Variants in IL1RAPL1 observed in about 807,000 individuals in gnomAD.
IL1RAPL1 encodes interleukin-1 receptor accessory protein-like 1.
A neutral mutation model predicts 48.4 loss-of-function variants in IL1RAPL1; 3 were observed. The observed-to-expected ratio is 0.06, with a 90% CI of 0.03 to 0.16. The LOEUF is 0.16. Ranked by LOEUF, IL1RAPL1 falls within the 10% of genes least tolerant of loss-of-function variation. IL1RAPL1 has a pLI of 1.00. For missense variants in IL1RAPL1, 349 were observed against 530.6 expected (o/e 0.66, Z 3.36); for synonymous variants, 185 against 187.7 (o/e 0.99, Z 0.12).
At chrX:28,802,069 G>A (rs1449145951) in intron 2 of IL1RAPL1, among the ~76,000 whole-genome samples, 1 of 111,749 alleles carries the variant, frequency 8.9e-6, no homozygotes, top group Non-Finnish European at 1.9e-5. Context: ...ATTTAACTTT[G>A]TGCTATACAG....
intron 2 of IL1RAPL1, among the ~76,000 whole-genome samples, chrX:28,866,341 A>G (rs1922074572): frequency 2.7e-5 from 3 of 111,693 alleles, no homozygotes; most frequent in Non-Finnish European, 3.8e-5. Flanking sequence ...ATGCAAAGGC[A>G]TAAGAATGAT....
chrX:29,683,382 C>T (rs1926520500), intron 6 of IL1RAPL1, among the ~76,000 whole-genome samples: 1 of 112,309 alleles, frequency 8.9e-6, no homozygotes, highest in Admixed American at 9.4e-5. Context: ...AATGTCAGCT[C>T]TCGTTCTAAT....
At chrX:29,573,470 A>G (rs181160381) in intron 5 of IL1RAPL1, among the ~76,000 whole-genome samples, 1 of 112,499 alleles carries the variant, frequency 8.9e-6, no homozygotes, top group African/African-American at 3.2e-5. Context: ...ATACTTGTCT[A>G]TCTCTTGAAA....
intron 2 of IL1RAPL1, among the ~76,000 whole-genome samples, chrX:28,810,949 T>G (rs926958538): frequency 9.1e-6 from 1 of 110,416 alleles, no homozygotes; most frequent in African/African-American, 3.3e-5. Flanking sequence ...TTTCTTTTTT[T>G]TCTATCAGCT....
At chrX:29,567,256 G>A (rs1181718809) in intron 5 of IL1RAPL1, among the ~76,000 whole-genome samples, 1 of 110,067 alleles carries the variant, frequency 9.1e-6, no homozygotes, top group Admixed American at 9.7e-5. Flanking sequence ...CAAGCTTCTC[G>A]TTAGCAAGGA....
intron 8 of IL1RAPL1, among the ~76,000 whole-genome samples, chrX:29,940,828 C>T (rs1464294845): frequency 1.8e-5 from 2 of 111,676 alleles, no homozygotes; most frequent in Non-Finnish European, 3.8e-5. Context: ...TTGGATAGAA[C>T]GTAGTAACAT....
chrX:28,644,112 C>A (rs1339916447), intron 1 of IL1RAPL1, among the ~76,000 whole-genome samples: 1 of 108,244 alleles, frequency 9.2e-6, no homozygotes, highest in African/African-American at 3.4e-5. Context: ...TTTTTTTCTC[C>A]TAAGTGTTAT....
At chrX:29,117,232 A>T (rs188009569) in intron 2 of IL1RAPL1, among the ~76,000 whole-genome samples, 199 of 111,904 alleles carry the variant, frequency 1.8e-3, no homozygotes, top group African/African-American at 6.1e-3. Flanking sequence ...GTGACAAGGG[A>T]TTGTAGCAAG....
rs748969216 is a variant in IL1RAPL1, at chrX:29,865,185, A to G, written c.779-52279A>G. On this transcript the variant is annotated intron_variant, in intron 6 of 10. Transcript: ENST00000378993. ...TAGTAAACTGGTCTGTGACATCTCT[A>G]TTGCACTCTGTGAAAATTCCATGAA... is the stretch of plus-strand genomic sequence containing the variant. 4.1e-3 allele frequency among the ~76,000 whole-genome samples: 462 copies of G among 112,226 alleles called. 2 individuals are homozygous for G. Among genetic ancestry groups the G allele is most frequent in the Non-Finnish European group, 7.1e-3 (380 of 53,243 alleles).
intron 1 of IL1RAPL1, among the ~76,000 whole-genome samples, chrX:28,664,130 G>C (rs1198629723): frequency 2.7e-5 from 3 of 110,878 alleles, no homozygotes; most frequent in Non-Finnish European, 5.7e-5. Context: ...TTTTTTCTAC[G>C]CAAACAAAAA....
intron 1 of IL1RAPL1, among the ~76,000 whole-genome samples, chrX:28,626,564 T>C (rs1017170585): frequency 4.4e-5 from 5 of 112,436 alleles, no homozygotes; most frequent in Non-Finnish European, 9.4e-5. Context: ...TCTTAGGTTT[T>C]TCACAAAGGG....
chrX:29,413,931 A>G (rs1934181320), intron 5 of IL1RAPL1, among the ~76,000 whole-genome samples: 1 of 110,866 alleles, frequency 9.0e-6, no homozygotes, highest in Non-Finnish European at 1.9e-5. Context: ...ATGTGTATAT[A>G]TATGTGTGTG....
intron 1 of IL1RAPL1, chrX:28,659,365 C>A: frequency 3.6e-6 from 2 of 551,329 alleles, no homozygotes; most frequent in South Asian, 2.3e-5. Flanking sequence ...GTTTCTCCAC[C>A]CCTCCAGTAG....
At chrX:29,490,389 CAT>C (rs1427612469) in intron 5 of IL1RAPL1, among the ~76,000 whole-genome samples, 1 of 109,866 alleles carries the variant, frequency 9.1e-6, no homozygotes, top group Non-Finnish European at 1.9e-5. Flanking sequence ...AAAAATTAGT[CAT>C]GTGTGGTGAC....
intron 2 of IL1RAPL1, among the ~76,000 whole-genome samples, chrX:28,820,988 G>A (rs765237471): frequency 8.9e-6 from 1 of 111,733 alleles, no homozygotes; most frequent in Non-Finnish European, 1.9e-5. Flanking sequence ...GGGCCGTAAT[G>A]ATGCTGAGTT....
At chrX:28,916,174 C>G (rs565009976) in intron 2 of IL1RAPL1, among the ~76,000 whole-genome samples, 1 of 110,367 alleles carries the variant, frequency 9.1e-6, no homozygotes, top group South Asian at 4.0e-4. Context: ...CATATAAAAC[C>G]TAGAATAACC....
Position 29,575,860 on chromosome X carries a change from G to A in IL1RAPL1, c.704-92570G>A, listed in dbSNP as rs557906600. 1.1e-4 allele frequency among the ~76,000 whole-genome samples: 12 copies of A among 112,034 alleles called. No individual in the cohort carries two copies. The Middle Eastern group carries it at 0.023, about 214-fold the overall frequency. On this transcript the variant is annotated intron_variant, in intron 5 of 10. Coordinates refer to ENST00000378993, the MANE Select transcript of IL1RAPL1 (RefSeq NM_014271.4). ...CCTAAACTGTGTCTCTGAGGGTATA[G>A]CTTCCAGAGGGCTGTGTGAGCTGTC...
chrX:29,549,591 T>C (rs765837899), intron 5 of IL1RAPL1, among the ~76,000 whole-genome samples: 42 of 111,823 alleles, frequency 3.8e-4, no homozygotes, highest in Non-Finnish European at 6.8e-4. Flanking sequence ...TTGGAACATA[T>C]ATCCTGTGAA....
chrX:29,226,962 T>C (rs1931094517), intron 2 of IL1RAPL1, among the ~76,000 whole-genome samples: 1 of 105,144 alleles, frequency 9.5e-6, no homozygotes. Context: ...TATTATAAAC[T>C]AATATTCCTA....
Sources: allele counts gnomAD v4.1 joint callset (sites outside exome capture counted in the v4.1 genomes callset), GRCh38; gene constraint gnomAD v4.1.1; transcripts MANE v1.5; gene names NCBI Gene and HGNC (gene_info 2026-07-23, HGNC 2026-07-21).